The following CADPS variants were observed in gnomAD, a reference collection of about 807,000 sequenced individuals.
CADPS encodes the protein calcium dependent secretion activator, also known as calcium-dependent secretion activator 1.
CADPS carries 57 observed loss-of-function variants against 167.3 expected under a neutral mutation model. The observed-to-expected ratio is 0.34, with a 90% CI of 0.28 to 0.42. The LOEUF is 0.42. CADPS is among the 20% of genes least tolerant of loss of function. CADPS has a pLI of 1.00. For missense variants in CADPS, 1,414 were observed against 1,738.1 expected, an observed-to-expected ratio of 0.81 and a Z score of 3.32; for synonymous variants, 676 against 635.3, an observed-to-expected ratio of 1.06 and a Z score of -0.96.
chr3:62,585,277 G>A lies in CADPS; in HGVS notation c.1485C>T (p.His495=), dbSNP rs1178102896. Residue 495 remains histidine, a synonymous_variant, in exon 8 of 30, where the codon CAC becomes CAT. Transcript: ENST00000383710. The part of the protein sequence containing the change: ...TPNSPKQSEW[H]KMTVSKNCPD... Reference sequence around the variant, plus strand: ...GGCAGTTTTTGGAGACTGTCATTTTGTGCCACTCTGACTGTTTGGGGCTGT... The same window carrying A: ...GGCAGTTTTTGGAGACTGTCATTTTATGCCACTCTGACTGTTTGGGGCTGT... 1.2e-6 allele frequency: 2 copies of A among 1,613,790 alleles called. No individual in the cohort carries two copies. The highest frequency in any genetic ancestry group is 1.7e-5 in the Admixed American group (1 of 59,990).
chr3:62,823,063 T>G (rs1224400062), intron 1 of CADPS, among the ~76,000 whole-genome samples: 2 of 152,270 alleles, frequency 1.3e-5, no homozygotes, highest in African/African-American at 2.4e-5. Flanking sequence ...GACCTGCCAT[T>G]TATTCTGCCA....
chr3:62,629,268 C>T (rs191934629), intron 6 of CADPS, among the ~76,000 whole-genome samples: 42 of 152,266 alleles, frequency 2.8e-4, no homozygotes, highest in Admixed American at 8.5e-4. Context: ...TCCTTTGTGT[C>T]TGTTTGTAGT....
chr3:62,757,968 A>G (rs535577729), intron 2 of CADPS, among the ~76,000 whole-genome samples: 1 of 152,332 alleles, frequency 6.6e-6, no homozygotes, highest in Admixed American at 6.5e-5. Context: ...CCATGATTCA[A>G]TTACCTCTCA....
In CADPS at chr3:62,438,389, G is replaced by C; in HGVS notation, c.3670-178C>G. 1.9e-6 allele frequency: 1 copy of C among 533,040 alleles called. No individual in the cohort carries two copies. Among genetic ancestry groups the C allele is most frequent in the Non-Finnish European group, 3.4e-6 (1 of 297,580 alleles). The allele number at this position is 533,040 out of a possible 1,614,324, so 33.0% of individuals were successfully genotyped here. On this transcript the variant is annotated intron_variant, in intron 27 of 29. Transcript: ENST00000383710. This position sits in a 1 kb window ranked among gnomAD's most constrained non-coding sequence, Gnocchi z 4.7. ...GCTGGTAGGAATTGATATTAGAACTGCTTCCTCTTTCCAGAAATCAAGCCT... is the reference window on the plus strand; with the variant it reads ...GCTGGTAGGAATTGATATTAGAACTCCTTCCTCTTTCCAGAAATCAAGCCT...
At chr3:62,741,636 A>C (rs1414303719) in intron 3 of CADPS, among the ~76,000 whole-genome samples, 4 of 152,218 alleles carry the variant, frequency 2.6e-5, no homozygotes, top group Non-Finnish European at 5.9e-5. Flanking sequence ...AAATAATAAG[A>C]GCTGTCTATG....
chr3:62,739,755 G>A (rs2079803753), intron 3 of CADPS, among the ~76,000 whole-genome samples: 1 of 152,180 alleles, frequency 6.6e-6, no homozygotes, highest in African/African-American at 2.4e-5. Flanking sequence ...ATTGATGCCA[G>A]AAAGCAAACA....
Position 62,437,072 on chromosome 3 carries a change from C to A in CADPS, c.3777+1032G>T, listed in dbSNP as rs1354945997. On this transcript the variant is annotated intron_variant, in intron 28 of 29. Coordinates refer to ENST00000383710, the MANE Select transcript of CADPS (RefSeq NM_003716.4). The stretch of plus-strand genomic sequence containing the variant: ...AATCACAGAAAAAAAAAAATAGAAA[C>A]ATGGATTCCATAGTAGACCAAAACA... Among the ~76,000 whole-genome samples, 21 of 151,382 alleles carry A rather than the reference C, an allele frequency of 1.4e-4. 1 individual carries two copies. Among genetic ancestry groups the A allele is most frequent in the Non-Finnish European group, 2.9e-4 (20 of 67,848 alleles).
chr3:62,662,778 T>C (rs993100862), intron 3 of CADPS, among the ~76,000 whole-genome samples: 10 of 152,178 alleles, frequency 6.6e-5, no homozygotes, highest in Admixed American at 1.3e-4. Flanking sequence ...GGAGCAGACA[T>C]AGTGCATATC....
chr3:62,708,223 C>T lies in CADPS; in HGVS notation c.888+45218G>A, dbSNP rs1356877989. Among the ~76,000 whole-genome samples the T allele has an allele frequency of 2.0e-5, 3 of 146,990 alleles. No individual in the cohort carries two copies. The East Asian group carries it at 6.2e-4, about 30-fold the overall frequency. Reference sequence around the variant, plus strand: ...ACAGGCATGAGCCACTGTGCCTGGTCTAGCACAAGGAAGTGTTAAAGTGGA... The same window carrying T: ...ACAGGCATGAGCCACTGTGCCTGGTTTAGCACAAGGAAGTGTTAAAGTGGA... On this transcript the variant is annotated intron_variant, in intron 3 of 29. Transcript: ENST00000383710.
At chr3:62,663,913 T>C (rs979804834) in intron 3 of CADPS, among the ~76,000 whole-genome samples, 15 of 152,210 alleles carry the variant, frequency 9.9e-5, no homozygotes, top group African/African-American at 3.6e-4. Flanking sequence ...TTTGGCTAGG[T>C]ATTCTAAGGC....
chr3:62,792,688 T>C (rs1188322955), intron 1 of CADPS, among the ~76,000 whole-genome samples: 1 of 152,138 alleles, frequency 6.6e-6, no homozygotes, highest in Non-Finnish European at 1.5e-5. Context: ...CTTGAACTCC[T>C]AGGCTCAAAC....
At chr3:62,785,358 T>C (rs912492417) in intron 1 of CADPS, among the ~76,000 whole-genome samples, 3 of 152,190 alleles carry the variant, frequency 2.0e-5, no homozygotes, top group African/African-American at 4.8e-5. Flanking sequence ...CTCCTAGCAC[T>C]GTGAGAGTTT....
chr3:62,845,408 A>C (rs2077253639), intron 1 of CADPS, among the ~76,000 whole-genome samples: 1 of 152,204 alleles, frequency 6.6e-6, no homozygotes, highest in Non-Finnish European at 1.5e-5. Flanking sequence ...TCTGTGTCTC[A>C]GTTCCACTAC....
intron 1 of CADPS, among the ~76,000 whole-genome samples, chr3:62,856,779 A>G (rs13321705): frequency 0.35 from 53,341 of 151,656 alleles, 9,809 homozygotes; most frequent in Middle Eastern, 0.52. Flanking sequence ...AATCTATGAT[A>G]TTGAACTGGC....
chr3:62,805,589 G>T (rs185972384), intron 1 of CADPS, among the ~76,000 whole-genome samples: 5 of 152,122 alleles, frequency 3.3e-5, no homozygotes, highest in African/African-American at 1.2e-4. Flanking sequence ...CCACAAACAT[G>T]TATCAGCACT....
intron 12 of CADPS, among the ~76,000 whole-genome samples, chr3:62,534,585 A>G (rs1396995464): frequency 6.6e-6 from 1 of 152,238 alleles, no homozygotes; most frequent in East Asian, 1.9e-4. Context: ...TCTACGACTC[A>G]GATGACACCA....
At chr3:62,440,997 A>G (rs952685000) in intron 27 of CADPS, 3 of 152,210 alleles carry the variant, frequency 2.0e-5, no homozygotes, top group Non-Finnish European at 2.9e-5. Context: ...TACCCTGTTT[A>G]AAAAGGCAAG....
intron 3 of CADPS, among the ~76,000 whole-genome samples, chr3:62,705,436 T>A (rs1368410072): frequency 2.0e-5 from 3 of 152,118 alleles, no homozygotes; most frequent in African/African-American, 7.2e-5. Context: ...TCAACTTGAT[T>A]GGACTGAAGG....
intron 28 of CADPS, among the ~76,000 whole-genome samples, chr3:62,430,206 A>G (rs2053636911): frequency 6.6e-6 from 1 of 152,208 alleles, no homozygotes; most frequent in Non-Finnish European, 1.5e-5. Context: ...ATACCCAGGC[A>G]TGGAGTGAAG....
Sources: gnomAD v4.1 joint callset for allele counts (sites outside exome capture counted in the v4.1 genomes callset) on GRCh38, gnomAD v4.1.1 for gene constraint, Gnocchi (gnomAD v3.1) non-coding constraint, MANE v1.5 for transcripts, NCBI Gene and HGNC (gene_info 2026-07-23, HGNC 2026-07-21) for gene names.